TSPEAR: variants seen among roughly 807,000 people sequenced by gnomAD.
The protein encoded by TSPEAR is thrombospondin type laminin G domain and EAR repeats, also known as thrombospondin-type laminin G domain and EAR repeat-containing protein.
A neutral mutation model predicts 71.6 loss-of-function variants in TSPEAR; 69 were observed. The observed-to-expected ratio is 0.96, with a 90% CI of 0.79 to 1.18. TSPEAR has a LOEUF of 1.18. TSPEAR is among the 50% of genes most tolerant of loss of function. The pLI is 0.00. For missense variants in TSPEAR, 971 were observed against 894.9 expected, an observed-to-expected ratio of 1.09 and a Z score of -1.09; for synonymous variants, 402 against 387.2, an observed-to-expected ratio of 1.04 and a Z score of -0.45.
intron 1 of TSPEAR, chr21:44,654,715 A>G (rs1288516823): frequency 5.2e-6 from 4 of 768,728 alleles, no homozygotes; most frequent in Non-Finnish European, 8.4e-6. Flanking sequence ...CCTGGCAACA[A>G]GCCCCCTGGC....
intron 1 of TSPEAR, among the ~76,000 whole-genome samples, chr21:44,706,705 G>T (rs916365606): frequency 2.6e-5 from 4 of 152,222 alleles, no homozygotes; most frequent in Non-Finnish European, 5.9e-5. Flanking sequence ...TTTCCCAGAT[G>T]CTGGGACGGG....
intron 2 of TSPEAR, among the ~76,000 whole-genome samples, chr21:44,545,840 T>C (rs1555917708): frequency 2.0e-5 from 3 of 152,126 alleles, no homozygotes; most frequent in African/African-American, 7.2e-5. Context: ...TAACTTTATA[T>C]CTTAAGGAAC....
At chr21:44,550,564 G>C (rs1209144530) in intron 2 of TSPEAR, 1 of 1,394,988 alleles carries the variant, frequency 7.2e-7, no homozygotes, top group Non-Finnish European at 9.8e-7. Flanking sequence ...GAGACCCCGG[G>C]GCTGGGCGGC....
At chr21:44,533,221 C>T (rs1346891414) in intron 3 of TSPEAR, among the ~76,000 whole-genome samples, 3 of 152,236 alleles carry the variant, frequency 2.0e-5, no homozygotes, top group Non-Finnish European at 4.4e-5. Flanking sequence ...GGCCCATTCC[C>T]CTTCCAGCCC....
At chr21:44,709,172 T>A (rs1447752504) in intron 1 of TSPEAR, among the ~76,000 whole-genome samples, 7 of 151,418 alleles carry the variant, frequency 4.6e-5, no homozygotes, top group Admixed American at 3.3e-4. Flanking sequence ...TCCCACGGGA[T>A]CTCCTGCCTT....
intron 1 of TSPEAR, among the ~76,000 whole-genome samples, chr21:44,668,715 A>C (rs1029461459): frequency 9.9e-5 from 15 of 152,254 alleles, no homozygotes; most frequent in African/African-American, 3.1e-4. Flanking sequence ...AATAGCATAG[A>C]GAGCCCAGAA....
chr21:44,579,111 G>A (rs1978682761), intron 1 of TSPEAR, among the ~76,000 whole-genome samples: 1 of 152,192 alleles, frequency 6.6e-6, no homozygotes, highest in African/African-American at 2.4e-5. Context: ...AGGCCTGGAG[G>A]CTGCGGTGCC....
At chr21:44,536,602 C>T (rs1164008149) in intron 2 of TSPEAR, among the ~76,000 whole-genome samples, 2 of 152,164 alleles carry the variant, frequency 1.3e-5, no homozygotes, top group Non-Finnish European at 2.9e-5. Flanking sequence ...AGTGGTGAAC[C>T]TTTGACGCTT....
chr21:44,661,229 G>C (rs145589762), intron 1 of TSPEAR, among the ~76,000 whole-genome samples: 1 of 142,374 alleles, frequency 7.0e-6, no homozygotes, highest in Non-Finnish European at 1.5e-5. Flanking sequence ...GCAGTGAGCC[G>C]AGATCGCGCC....
chr21:44,618,427 G>A (rs947142067), intron 1 of TSPEAR, among the ~76,000 whole-genome samples: 16 of 152,108 alleles, frequency 1.1e-4, no homozygotes, highest in African/African-American at 3.9e-4. Flanking sequence ...GTGTGAAAAA[G>A]GACTAATACA....
At chr21:44,681,154 T>A (rs1986565675) in intron 1 of TSPEAR, among the ~76,000 whole-genome samples, 1 of 152,212 alleles carries the variant, frequency 6.6e-6, no homozygotes, top group South Asian at 2.1e-4. Flanking sequence ...GTGCCATATG[T>A]AGATCAGTGA....
intron 1 of TSPEAR, among the ~76,000 whole-genome samples, chr21:44,589,307 G>A (rs1979589014): frequency 6.6e-6 from 1 of 152,210 alleles, no homozygotes; most frequent in African/African-American, 2.4e-5. Flanking sequence ...ACGGGAATGG[G>A]CCACATTTTG....
chr21:44,517,545 C>T, intron 9 of TSPEAR: 1 of 344,270 alleles, frequency 2.9e-6, no homozygotes. Context: ...TCCAGCTAGG[C>T]TGGGACATGT....
intron 1 of TSPEAR, among the ~76,000 whole-genome samples, chr21:44,603,394 TCCC>T (rs1249964694): frequency 1.3e-5 from 2 of 151,946 alleles, no homozygotes; most frequent in Non-Finnish European, 2.9e-5. Context: ...CTGTGGTGAG[TCCC>T]CCAACTACAG....
At chr21:44,595,151 G>A (rs139549955) in intron 1 of TSPEAR, among the ~76,000 whole-genome samples, 1 of 152,186 alleles carries the variant, frequency 6.6e-6, no homozygotes, top group East Asian at 1.9e-4. Context: ...ATGAACACAA[G>A]CAGTCACCCA....
intron 1 of TSPEAR, among the ~76,000 whole-genome samples, chr21:44,690,178 A>G (rs1555949584): frequency 6.6e-6 from 1 of 152,222 alleles, no homozygotes; most frequent in Non-Finnish European, 1.5e-5. Context: ...AGAGATAAAA[A>G]AGAAATGAGG....
chr21:44,574,664 C>T (rs782159909), intron 1 of TSPEAR: 1 of 1,603,326 alleles, frequency 6.2e-7, no homozygotes, highest in Non-Finnish European at 8.5e-7. Flanking sequence ...AGCAGTCTAG[C>T]TGCCAGCCAG....
rs1030935346 is a variant in TSPEAR, at chr21:44,588,741, T to A, written c.83-20736A>T. The stretch of plus-strand genomic sequence containing the variant: ...ATATATGTGTGTGTATATATGTATA[T>A]ATATGTTATATATATGTATGTGTGT... On this transcript the variant is annotated intron_variant, in intron 1 of 11. Coordinates refer to ENST00000323084, the MANE Select transcript of TSPEAR (RefSeq NM_144991.3). Among the ~76,000 whole-genome samples, 22 of 35,328 alleles carry A rather than the reference T, an allele frequency of 6.2e-4. 1 individual carries two copies. The highest frequency in any genetic ancestry group is 1.3e-4 in the Non-Finnish European group (2 of 15,842). 23.2% of individuals were successfully genotyped at this position (35,328 alleles called of 152,430 possible).
chr21:44,676,927 A>G (rs1986340793), intron 1 of TSPEAR: 3 of 879,968 alleles, frequency 3.4e-6, no homozygotes, highest in African/African-American at 1.6e-5. Context: ...TGCACGGGCA[A>G]TCAGGGAGTT....
Sources: gnomAD v4.1 joint callset for allele counts (sites outside exome capture counted in the v4.1 genomes callset) on GRCh38, gnomAD v4.1.1 for gene constraint, MANE v1.5 for transcripts, NCBI Gene and HGNC (gene_info 2026-07-23, HGNC 2026-07-21) for gene names.